Variants in DIP2B observed in about 807,000 individuals in gnomAD.
DIP2B encodes disco-interacting protein 2 homolog B.
In DIP2B, 76 loss-of-function variants were observed where a neutral mutation model predicts 198.0. The observed-to-expected ratio is 0.38, with a 90% confidence interval of 0.32 to 0.46. DIP2B has a LOEUF of 0.46. Ranked by LOEUF, DIP2B falls within the 20% of genes least tolerant of loss-of-function variation. DIP2B has a pLI of 0.99. For missense variants in DIP2B, 1,559 were observed against 1,978.4 expected (o/e 0.79, Z 4.02); for synonymous variants, 701 against 739.1 (o/e 0.95, Z 0.84).
intron 1 of DIP2B, among the ~76,000 whole-genome samples, chr12:50,521,698 G>C (rs1183111957): frequency 6.6e-6 from 1 of 151,376 alleles, no homozygotes; most frequent in African/African-American, 2.4e-5. Context: ...GTTTCTCCGT[G>C]TTAGCCAGGC....
At chr12:50,695,796 A>C in intron 15 of DIP2B, 52 bp from the exon 16 acceptor site, 1 of 1,605,040 alleles carries the variant, frequency 6.2e-7, no homozygotes, top group South Asian at 1.1e-5. Context: ...GGTGTATTAC[A>C]TATGTCCCAA....
chr12:50,730,699 T>C (rs1221108801), intron 30 of DIP2B, among the ~76,000 whole-genome samples: 1 of 152,180 alleles, frequency 6.6e-6, no homozygotes, highest in Non-Finnish European at 1.5e-5. Context: ...TTGAATACTA[T>C]TAATATTTCT....
intron 1 of DIP2B, among the ~76,000 whole-genome samples, chr12:50,561,860 C>T (rs1028576726): frequency 2.0e-5 from 3 of 152,166 alleles, no homozygotes; most frequent in Admixed American, 6.5e-5. Context: ...CCACCCATGT[C>T]GGCCTCCTAA....
intron 20 of DIP2B, among the ~76,000 whole-genome samples, chr12:50,706,304 G>A (rs1939512105): frequency 6.6e-6 from 1 of 152,158 alleles, no homozygotes; most frequent in African/African-American, 2.4e-5. Context: ...ATAAATATGA[G>A]TAAATTCCCT....
chr12:50,697,900 T>G (rs1939346105), intron 17 of DIP2B, among the ~76,000 whole-genome samples: 1 of 152,094 alleles, frequency 6.6e-6, no homozygotes, highest in Admixed American at 6.6e-5. Flanking sequence ...CACTACATTT[T>G]TTTTAAATTT....
At chr12:50,599,473 T>G (rs909753232) in intron 1 of DIP2B, among the ~76,000 whole-genome samples, 3 of 151,346 alleles carry the variant, frequency 2.0e-5, no homozygotes, top group Non-Finnish European at 2.9e-5. Context: ...AAAAATTAGG[T>G]GGGTGTGGTA....
chr12:50,723,228 G>A lies in DIP2B; in HGVS notation c.3193G>A (p.Gly1065Ser), dbSNP rs775722634. Residue 1065 changes from glycine to serine, a missense_variant, in exon 27 of 38, where the codon GGC (glycine) becomes AGC (serine). By Grantham distance (56) the Gly-to-Ser change is moderately conservative. Transcript: ENST00000301180. The part of the protein sequence containing the change: ...PGIELIAAFY[G>S]CLYAGCIPVT... ...CATTGAGTTAATCGCCGCCTTCTATGGCTGCCTGTATGCGGGCTGTATACC... is the reference window on the plus strand; with the variant it reads ...CATTGAGTTAATCGCCGCCTTCTATAGCTGCCTGTATGCGGGCTGTATACC... The A allele has an allele frequency of 1.9e-6, 3 of 1,614,110 alleles. No homozygotes were observed. Among genetic ancestry groups the A allele is most frequent in the Non-Finnish European group, 2.5e-6 (3 of 1,180,028 alleles).
At chr12:50,560,403 AAAAAAAG>A (rs886588986) in intron 1 of DIP2B, among the ~76,000 whole-genome samples, 3 of 151,160 alleles carry the variant, frequency 2.0e-5, no homozygotes, top group Non-Finnish European at 4.4e-5. Context: ...CTCCAAAAAA[AAAAAAAG>A]CAAAAAACTT....
At chr12:50,730,409 G>C (rs1243226823) in intron 30 of DIP2B, among the ~76,000 whole-genome samples, 1 of 145,000 alleles carries the variant, frequency 6.9e-6, no homozygotes, top group Non-Finnish European at 1.5e-5. Flanking sequence ...AAAGGAGACA[G>C]GGTCTCAATC....
chr12:50,525,952 CTT>C (rs1958160650), intron 1 of DIP2B, among the ~76,000 whole-genome samples: 1 of 152,172 alleles, frequency 6.6e-6, no homozygotes, highest in African/African-American at 2.4e-5. Flanking sequence ...TCACCACTCT[CTT>C]TTACTTTCTT....
At chr12:50,521,057 C>A (rs551414740) in intron 1 of DIP2B, among the ~76,000 whole-genome samples, 1 of 146,816 alleles carries the variant, frequency 6.8e-6, no homozygotes, top group Admixed American at 6.8e-5. Flanking sequence ...CCATATTAAT[C>A]TCTTCTATTT....
chr12:50,655,774 A>T (rs1938544068), intron 3 of DIP2B, among the ~76,000 whole-genome samples: 1 of 152,196 alleles, frequency 6.6e-6, no homozygotes, highest in South Asian at 2.1e-4. Flanking sequence ...GAGCCCAGGA[A>T]TTTGAGAGCA....
chr12:50,511,038 T>C (rs1006404523), intron 1 of DIP2B, among the ~76,000 whole-genome samples: 3 of 149,146 alleles, frequency 2.0e-5, no homozygotes, highest in Non-Finnish European at 4.4e-5. Flanking sequence ...CTCTGCCTCC[T>C]GGGTTCAAGG....
chr12:50,565,341 G>C (rs1593613500), intron 1 of DIP2B, among the ~76,000 whole-genome samples: 1 of 152,006 alleles, frequency 6.6e-6, no homozygotes, highest in Admixed American at 6.6e-5. Flanking sequence ...TGTTGCCCAG[G>C]CTAGAGTGCA....
chr12:50,606,008 A>G (rs1958978362), intron 1 of DIP2B, among the ~76,000 whole-genome samples: 1 of 150,828 alleles, frequency 6.6e-6, no homozygotes. Context: ...TTTTTAGTAG[A>G]GACATTGTTT....
intron 21 of DIP2B, among the ~76,000 whole-genome samples, chr12:50,707,157 C>A (rs1939529105): frequency 6.6e-6 from 1 of 152,040 alleles, no homozygotes; most frequent in Admixed American, 6.6e-5. Flanking sequence ...TATCTTTTTT[C>A]TTTGCTTATT....
At chr12:50,668,042 A>G (rs1938786365) in intron 4 of DIP2B, among the ~76,000 whole-genome samples, 1 of 152,082 alleles carries the variant, frequency 6.6e-6, no homozygotes, top group Non-Finnish European at 1.5e-5. Context: ...TGCTCTGGCT[A>G]GTCTCTGTTT....
At chr12:50,574,468 A>G (rs1958640859) in intron 1 of DIP2B, among the ~76,000 whole-genome samples, 1 of 152,260 alleles carries the variant, frequency 6.6e-6, no homozygotes, top group Admixed American at 6.5e-5. Context: ...CCGTGGGCAC[A>G]GTGGTGCTGG....
chr12:50,686,579 C>T lies in DIP2B; in HGVS notation c.1448C>T (p.Pro483Leu), dbSNP rs1240919722. 1.9e-6 allele frequency: 3 copies of T among 1,613,550 alleles called. No individual in the cohort carries two copies. The highest frequency in any genetic ancestry group is 2.5e-6 in the Non-Finnish European group (3 of 1,179,906). The change falls in exon 12 of 38, where the codon CCC becomes CTC. Residue 483 changes from proline to leucine, a missense_variant. Pro to Leu is a moderately conservative substitution (Grantham distance 98). Coordinates refer to ENST00000301180, the MANE Select transcript of DIP2B (RefSeq NM_173602.3). Reference protein sequence around the residue: ...NGEIVQFKGWPRLKWVVTDSK... With the variant: ...NGEIVQFKGWLRLKWVVTDSK... Reference sequence around the variant, plus strand: ...CACTTTGGGTTTGATTTAGGTTGGCCCCGGCTCAAATGGGTTGTAACAGAT... The same window carrying T: ...CACTTTGGGTTTGATTTAGGTTGGCTCCGGCTCAAATGGGTTGTAACAGAT...
Sources: gnomAD v4.1 joint callset for allele counts (sites outside exome capture counted in the v4.1 genomes callset) on GRCh38, gnomAD v4.1.1 for gene constraint, MANE v1.5 for transcripts, NCBI Gene and HGNC (gene_info 2026-07-23, HGNC 2026-07-21) for gene names.